The following SLC41A3 variants were observed in gnomAD, a reference collection of about 807,000 sequenced individuals.
SLC41A3 encodes the protein solute carrier family 41 member 3.
A neutral mutation model predicts 45.4 loss-of-function variants in SLC41A3; 44 were observed. That is an observed-to-expected ratio of 0.97 (90% confidence interval 0.76 to 1.25). The LOEUF (loss-of-function observed/expected upper bound fraction) is 1.25. SLC41A3 is among the 50% of genes most tolerant of loss of function. SLC41A3 has a pLI of 0.00. For missense variants in SLC41A3, 550 were observed against 600.6 expected, an observed-to-expected ratio of 0.92 and a Z score of 0.88; for synonymous variants, 256 against 252.4, an observed-to-expected ratio of 1.01 and a Z score of -0.13.
At chr3:126,029,368 C>CG (rs1482680104) in intron 4 of SLC41A3, among the ~76,000 whole-genome samples, 1 of 151,220 alleles carries the variant, frequency 6.6e-6, no homozygotes, top group African/African-American at 2.4e-5. Context: ...TGTGGCACTC[C>CG]CTCCCCCACC....
intron 4 of SLC41A3, among the ~76,000 whole-genome samples, chr3:126,028,923 C>T (rs1395873425): frequency 1.3e-5 from 2 of 152,236 alleles, no homozygotes; most frequent in South Asian, 2.1e-4. Context: ...ACGCCCATAA[C>T]CCCTTCCTTT....
chr3:126,050,838 G>A, intron 3 of SLC41A3, 105 bp downstream of exon 3: 1 of 1,447,242 alleles, frequency 6.9e-7, no homozygotes. Flanking sequence ...AATATCCATT[G>A]TTTTGGAGAA....
At position 126,016,900 on chromosome 3, in the gene SLC41A3, C is replaced by T. The variant is rs778102468; in HGVS notation, c.746-25G>A. ...TCTGAAAGGAGAACAGGGACACACGCAGCTCATGTGGCCAAGGCCAGCACA... is the reference window on the plus strand; with the variant it reads ...TCTGAAAGGAGAACAGGGACACACGTAGCTCATGTGGCCAAGGCCAGCACA... On this transcript the variant is annotated intron_variant, in intron 6 of 10. Coordinates refer to ENST00000360370, the MANE Select transcript of SLC41A3 (RefSeq NM_017836.4). 3.7e-6 allele frequency: 6 copies of T among 1,606,202 alleles called. No individual in the cohort carries two copies. In the South Asian group the frequency reaches 6.6e-5, roughly 18 times the overall value.
chr3:126,062,297 T>C (rs948270564), intron 2 of SLC41A3, among the ~76,000 whole-genome samples: 5 of 152,202 alleles, frequency 3.3e-5, no homozygotes, highest in Non-Finnish European at 5.9e-5. Flanking sequence ...AATCAACTGG[T>C]ACTTTGCTGC....
chr3:126,011,490 C>A (rs6438955), intron 9 of SLC41A3, among the ~76,000 whole-genome samples: 35,425 of 152,062 alleles, frequency 0.23, 4,527 homozygotes, highest in African/African-American at 0.34. Context: ...ACATTCATGT[C>A]ATTAGAATAT....
intron 2 of SLC41A3, among the ~76,000 whole-genome samples, chr3:126,061,860 C>CT (rs1328288107): frequency 6.6e-6 from 1 of 152,152 alleles, no homozygotes; most frequent in African/African-American, 2.4e-5. Context: ...CTCTTGGGCT[C>CT]TGTCATCTCC....
chr3:126,054,699 G>C (rs909377212), intron 2 of SLC41A3, among the ~76,000 whole-genome samples: 4 of 151,914 alleles, frequency 2.6e-5, no homozygotes, highest in African/African-American at 9.7e-5. Flanking sequence ...CTCCTCTGCA[G>C]ATCCCCTGGC....
At chr3:126,007,303 C>G (rs1472228291) in intron 10 of SLC41A3, 78 bp from the exon 11 acceptor site, 3 of 1,481,870 alleles carry the variant, frequency 2.0e-6, no homozygotes, top group Non-Finnish European at 9.2e-7. Flanking sequence ...AGCTGAGGCT[C>G]AAGGAGAGAT....
intron 2 of SLC41A3, among the ~76,000 whole-genome samples, chr3:126,052,482 C>T (rs1943396640): frequency 6.6e-6 from 1 of 152,210 alleles, no homozygotes; most frequent in Non-Finnish European, 1.5e-5. Context: ...GCCTGCGCCA[C>T]CCAGCAGCCT....
intron 1 of SLC41A3, among the ~76,000 whole-genome samples, chr3:126,095,771 CATT>C (rs1252332851): frequency 4.6e-5 from 7 of 152,190 alleles, no homozygotes; most frequent in Non-Finnish European, 4.4e-5. Context: ...CCTATGGAAT[CATT>C]ATTAATTGGT....
chr3:126,037,199 C>T (rs772963431), intron 3 of SLC41A3, among the ~76,000 whole-genome samples: 6 of 152,196 alleles, frequency 3.9e-5, no homozygotes, highest in Non-Finnish European at 8.8e-5. Flanking sequence ...CCTTCTCCTG[C>T]TCCCTCTCTT....
At chr3:126,094,329 G>A (rs963185162) in intron 1 of SLC41A3, among the ~76,000 whole-genome samples, 1 of 152,180 alleles carries the variant, frequency 6.6e-6, no homozygotes, top group Non-Finnish European at 1.5e-5. Flanking sequence ...CTTTAAAATG[G>A]TTAACAGATA....
chr3:126,068,330 G>T, intron 1 of SLC41A3, 84 bp from the exon 2 acceptor site: 1 of 1,318,874 alleles, frequency 7.6e-7, no homozygotes, highest in Non-Finnish European at 9.9e-7. Flanking sequence ...CACCTGTCCA[G>T]CCCCAGGCCG....
intron 1 of SLC41A3, among the ~76,000 whole-genome samples, chr3:126,092,196 G>A (rs1439559089): frequency 1.3e-5 from 2 of 152,176 alleles, no homozygotes; most frequent in African/African-American, 2.4e-5. Flanking sequence ...TGGCCATAAC[G>A]CCCACACTGG....
chr3:126,043,334 T>C (rs1942715660), intron 3 of SLC41A3, among the ~76,000 whole-genome samples: 1 of 152,000 alleles, frequency 6.6e-6, no homozygotes, highest in South Asian at 2.1e-4. Context: ...AATTAAGAAA[T>C]TCCTAAATAA....
At chr3:126,014,804 C>A (rs894783794) in intron 8 of SLC41A3, among the ~76,000 whole-genome samples, 10 of 152,352 alleles carry the variant, frequency 6.6e-5, no homozygotes, top group Non-Finnish European at 1.5e-4. Context: ...TAACTGATCA[C>A]TTCCATTTAC....
chr3:126,063,955 C>CCA (rs199712238), intron 2 of SLC41A3, among the ~76,000 whole-genome samples: 2 of 141,318 alleles, frequency 1.4e-5, no homozygotes, highest in Non-Finnish European at 3.2e-5. Flanking sequence ...TCCAACCCCC[C>CCA]CCCGGGGACA....
intron 3 of SLC41A3, among the ~76,000 whole-genome samples, chr3:126,042,137 T>C (rs1025133696): frequency 6.6e-6 from 1 of 152,066 alleles, no homozygotes; most frequent in African/African-American, 2.4e-5. Context: ...GTTTGGACAT[T>C]AGGATGAAGG....
At chr3:126,023,309 C>T (rs959732624) in intron 5 of SLC41A3, 4 of 176,846 alleles carry the variant, frequency 2.3e-5, no homozygotes, top group Non-Finnish European at 2.4e-5. Context: ...TGGAACCCCT[C>T]GGGGTGAGCT....
Sources: gnomAD v4.1 joint callset for allele counts (sites outside exome capture counted in the v4.1 genomes callset) on GRCh38, gnomAD v4.1.1 for gene constraint, MANE v1.5 for transcripts, NCBI Gene and HGNC (gene_info 2026-07-23, HGNC 2026-07-21) for gene names.